The following SLC25A21 variants were observed in gnomAD, a reference collection of about 807,000 sequenced individuals.
SLC25A21 encodes the protein solute carrier family 25 member 21, also known as mitochondrial 2-oxodicarboxylate carrier.
A neutral mutation model predicts 43.8 loss-of-function variants in SLC25A21; 47 were observed. That is an observed-to-expected ratio of 1.07 (90% CI 0.85 to 1.37). The LOEUF is 1.37. Among genes scored for constraint, SLC25A21 ranks in the 40% most tolerant of loss-of-function variants. The probability of loss-of-function intolerance (pLI) is 0.00; values close to 1 mark genes in which losing one functional copy is unlikely to be tolerated. For synonymous variants in SLC25A21, 131 were observed against 121.3 expected (o/e 1.08, Z -0.52); for missense variants, 352 against 350.2 (o/e 1.00, Z -0.04).
chr14:37,084,986 T>C (rs1359643604), intron 1 of SLC25A21, among the ~76,000 whole-genome samples: 1 of 152,224 alleles, frequency 6.6e-6, no homozygotes, highest in Non-Finnish European at 1.5e-5. Context: ...ATAATACACA[T>C]GAGGTTCAAT....
chr14:36,994,336 G>C (rs893283493), intron 1 of SLC25A21, among the ~76,000 whole-genome samples: 1 of 152,144 alleles, frequency 6.6e-6, no homozygotes, highest in Non-Finnish European at 1.5e-5. Context: ...TATAGAAAAA[G>C]GGAGGAATCG....
chr14:36,789,943 TATA>T (rs1430726428), intron 3 of SLC25A21, among the ~76,000 whole-genome samples: 2 of 126,888 alleles, frequency 1.6e-5, no homozygotes, highest in Non-Finnish European at 3.2e-5. Context: ...TATATAAATA[TATA>T]ATATGTATAT....
At chr14:36,836,620 A>G (rs1889218193) in intron 2 of SLC25A21, among the ~76,000 whole-genome samples, 1 of 152,308 alleles carries the variant, frequency 6.6e-6, no homozygotes, top group Non-Finnish European at 1.5e-5. Context: ...GAGGCACTCC[A>G]TGAGCCCACG....
intron 2 of SLC25A21, among the ~76,000 whole-genome samples, chr14:36,860,666 GA>G (rs1701311304): frequency 1.3e-5 from 2 of 152,136 alleles, no homozygotes; most frequent in Admixed American, 1.3e-4. Context: ...AGCATCTTAG[GA>G]AAAAGTCAAA....
chr14:36,719,661 G>A (rs17105108), intron 6 of SLC25A21, among the ~76,000 whole-genome samples: 38,139 of 152,076 alleles, frequency 0.25, 4,899 homozygotes, highest in Middle Eastern at 0.33. Flanking sequence ...TAATATGGTG[G>A]TAATTTAAGA....
intron 1 of SLC25A21, among the ~76,000 whole-genome samples, chr14:37,071,798 A>G (rs1312251935): frequency 6.6e-6 from 1 of 152,214 alleles, no homozygotes; most frequent in African/African-American, 2.4e-5. Flanking sequence ...CCTCAAATGC[A>G]TCATCATTTG....
chr14:37,079,351 GGT>G (rs1212674834), intron 1 of SLC25A21, among the ~76,000 whole-genome samples: 1 of 152,038 alleles, frequency 6.6e-6, no homozygotes, highest in Non-Finnish European at 1.5e-5. Flanking sequence ...CCACCCCCAA[GGT>G]TTTCCCTAAT....
At chr14:36,733,929 G>T (rs1167914257) in intron 4 of SLC25A21, among the ~76,000 whole-genome samples, 4 of 152,096 alleles carry the variant, frequency 2.6e-5, no homozygotes, top group Admixed American at 2.0e-4. Flanking sequence ...CAGTTATGTG[G>T]TTAAGTAAAT....
At chr14:36,776,095 G>C (rs549436676) in intron 3 of SLC25A21, among the ~76,000 whole-genome samples, 1 of 151,390 alleles carries the variant, frequency 6.6e-6, no homozygotes, top group South Asian at 2.1e-4. Flanking sequence ...CAGTCTATTG[G>C]AACTTCTCTT....
At chr14:36,849,959 TGGGGATCAA>T in intron 2 of SLC25A21, among the ~76,000 whole-genome samples, 1 of 152,290 alleles carries the variant, frequency 6.6e-6, no homozygotes, top group East Asian at 1.9e-4. Context: ...TGTCAGTCCC[TGGGGATCAA>T]GTGAAGGAGG....
At chr14:36,912,678 C>T (rs545772724) in intron 1 of SLC25A21, among the ~76,000 whole-genome samples, 2 of 152,234 alleles carry the variant, frequency 1.3e-5, no homozygotes, top group South Asian at 2.1e-4. Flanking sequence ...AGTTCTTTCA[C>T]GTGGGTAAAA....
rs545007928 is a variant in SLC25A21, at chr14:36,979,394, C to T, written c.71-104390G>A. ...GTTTTGAGATGAAGTCTTGCTCTGTCGCCCAGGCTGGAGTGCAGTGGCGTG... is the reference window on the plus strand; with the variant it reads ...GTTTTGAGATGAAGTCTTGCTCTGTTGCCCAGGCTGGAGTGCAGTGGCGTG... On this transcript the variant is annotated intron_variant, in intron 1 of 9. Coordinates refer to ENST00000331299, the MANE Select transcript of SLC25A21 (RefSeq NM_030631.4). Among the ~76,000 whole-genome samples, 9 of 148,766 alleles carry T rather than the reference C, an allele frequency of 6.0e-5. No individual in the cohort carries two copies. In the East Asian group the frequency reaches 1.6e-3, roughly 26 times the overall value.
intron 4 of SLC25A21, among the ~76,000 whole-genome samples, chr14:36,731,883 G>A (rs1374581561): frequency 1.3e-5 from 2 of 152,082 alleles, no homozygotes; most frequent in Non-Finnish European, 1.5e-5. Flanking sequence ...CTCAACCCAG[G>A]GAGTCCCCTG....
chr14:36,702,530 C>T (rs945049648), intron 7 of SLC25A21, among the ~76,000 whole-genome samples: 2 of 148,514 alleles, frequency 1.3e-5, no homozygotes, highest in Non-Finnish European at 3.0e-5. Context: ...AGAAAACGGA[C>T]TTCCCTACAC....
chr14:36,922,591 C>A (rs1044197590), intron 1 of SLC25A21, among the ~76,000 whole-genome samples: 1 of 151,338 alleles, frequency 6.6e-6, no homozygotes, highest in Non-Finnish European at 1.5e-5. Flanking sequence ...TAAAATTCTA[C>A]AAGGTCAGGA....
At chr14:36,827,293 C>T (rs1450662623) in intron 2 of SLC25A21, among the ~76,000 whole-genome samples, 1 of 152,004 alleles carries the variant, frequency 6.6e-6, no homozygotes, top group Non-Finnish European at 1.5e-5. Context: ...TTTCTGTTGG[C>T]TCTGGTGGCA....
chr14:36,846,108 A>G (rs1204659874), intron 2 of SLC25A21, among the ~76,000 whole-genome samples: 1 of 152,222 alleles, frequency 6.6e-6, no homozygotes, highest in African/African-American at 2.4e-5. Flanking sequence ...GTTTACATTT[A>G]AACCCCCAAA....
intron 2 of SLC25A21, among the ~76,000 whole-genome samples, chr14:36,814,454 G>A (rs1448798301): frequency 1.3e-5 from 2 of 152,046 alleles, no homozygotes; most frequent in African/African-American, 4.8e-5. Flanking sequence ...AATCTACAAG[G>A]AACTGAAACA....
intron 1 of SLC25A21, among the ~76,000 whole-genome samples, chr14:36,890,877 A>G (rs546521624): frequency 1.3e-5 from 2 of 152,312 alleles, no homozygotes; most frequent in East Asian, 1.9e-4. Flanking sequence ...TAAGTAGTCA[A>G]TATACCTAAT....
Sources: gnomAD v4.1 joint callset for allele counts (sites outside exome capture counted in the v4.1 genomes callset) on GRCh38, gnomAD v4.1.1 for gene constraint, MANE v1.5 for transcripts, NCBI Gene and HGNC (gene_info 2026-07-23, HGNC 2026-07-21) for gene names.